The following KCNH5 variants were observed in gnomAD, a reference collection of about 807,000 sequenced individuals.
The protein encoded by KCNH5 is potassium voltage-gated channel subfamily H member 5.
Under a neutral mutation model 96.1 loss-of-function variants are expected in KCNH5, and 46 were observed. The ratio of observed to expected loss-of-function variants is 0.48; its 90% confidence interval spans 0.38 to 0.61. The LOEUF (loss-of-function observed/expected upper bound fraction) is 0.61. KCNH5 is among the 20% of genes least tolerant of loss of function. The pLI, the probability that KCNH5 is intolerant of heterozygous loss-of-function variation, is 0.00. For missense variants in KCNH5, 907 were observed against 1,225.8 expected (o/e 0.74, Z 3.88); for synonymous variants, 439 against 449.8 (o/e 0.98, Z 0.30).
intron 7 of KCNH5, among the ~76,000 whole-genome samples, chr14:62,909,247 G>A (rs910231473): frequency 1.3e-5 from 2 of 150,668 alleles, no homozygotes; most frequent in African/African-American, 4.9e-5. Context: ...GGGTTTCACC[G>A]TTTTAGCCGG....
At chr14:62,746,231 T>A (rs538813495) in intron 10 of KCNH5, among the ~76,000 whole-genome samples, 1 of 152,330 alleles carries the variant, frequency 6.6e-6, no homozygotes, top group Non-Finnish European at 1.5e-5. Flanking sequence ...GGAATATAAA[T>A]CCATGTAATA....
At chr14:62,943,808 G>C (rs1435847925) in intron 7 of KCNH5, among the ~76,000 whole-genome samples, 1 of 152,142 alleles carries the variant, frequency 6.6e-6, no homozygotes, top group Non-Finnish European at 1.5e-5. Context: ...AAAAAACCAA[G>C]AGAAGACAAA....
chr14:62,869,605 T>C lies in KCNH5; in HGVS notation c.1370-19753A>G, dbSNP rs376862158. On this transcript the variant is annotated intron_variant, in intron 7 of 10. Transcript: ENST00000322893. ...GTTTCAGTCATGAAGTTTTTATCCATGCCTATGTCCTGAATGGTATTGCCT... is the reference window on the plus strand; with the variant it reads ...GTTTCAGTCATGAAGTTTTTATCCACGCCTATGTCCTGAATGGTATTGCCT... Among the ~76,000 whole-genome samples the C allele has an allele frequency of 4.3e-4, 65 of 152,334 alleles. 3 individuals carry two copies. In the South Asian group the frequency reaches 8.5e-3, roughly 20 times the overall value.
chr14:62,802,254 T>C (rs776658229), intron 9 of KCNH5, 75 bp downstream of exon 9: 80 of 1,497,174 alleles, frequency 5.3e-5, no homozygotes, highest in South Asian at 3.7e-5. Context: ...GAAATTTCTC[T>C]TTAAAAATGC....
chr14:62,865,288 T>C (rs930904499), intron 7 of KCNH5, among the ~76,000 whole-genome samples: 2 of 150,730 alleles, frequency 1.3e-5, no homozygotes, highest in Admixed American at 6.6e-5. Flanking sequence ...ATTTTTTTAA[T>C]TGAGTCTTAA....
At chr14:62,842,099 C>A (rs1455855937) in intron 8 of KCNH5, among the ~76,000 whole-genome samples, 2 of 152,132 alleles carry the variant, frequency 1.3e-5, no homozygotes, top group Admixed American at 6.5e-5. Flanking sequence ...AATAACACAG[C>A]CTAAGATTTG....
intron 7 of KCNH5, among the ~76,000 whole-genome samples, chr14:62,894,953 C>G (rs1453653815): frequency 1.3e-5 from 2 of 152,192 alleles, no homozygotes; most frequent in Admixed American, 6.5e-5. Flanking sequence ...CTATAATCTA[C>G]TCTAATGATA....
At chr14:62,909,634 A>T (rs1265442512) in intron 7 of KCNH5, among the ~76,000 whole-genome samples, 1 of 152,108 alleles carries the variant, frequency 6.6e-6, no homozygotes, top group East Asian at 1.9e-4. Flanking sequence ...CCATCCACCA[A>T]GTCAGTCTCA....
intron 8 of KCNH5, among the ~76,000 whole-genome samples, chr14:62,816,020 A>AAT (rs544524088): frequency 3.0e-4 from 46 of 151,788 alleles, no homozygotes; most frequent in African/African-American, 8.9e-4. Flanking sequence ...GATATAAAAG[A>AAT]ATATATATAT....
Position 62,916,542 on chromosome 14 carries a change from G to C in KCNH5, c.1369+33591C>G, listed in dbSNP as rs541635105. On this transcript the variant is annotated intron_variant, in intron 7 of 10. Coordinates refer to ENST00000322893, the MANE Select transcript of KCNH5 (RefSeq NM_139318.5). ...TCAATGAAGCCTTTTTATTAGAACAGTAAAACAATTAAGTTTGTTGTGCCA... is the reference window on the plus strand; with the variant it reads ...TCAATGAAGCCTTTTTATTAGAACACTAAAACAATTAAGTTTGTTGTGCCA... 4.6e-5 allele frequency among the ~76,000 whole-genome samples: 7 copies of C among 152,334 alleles called. No individual in the cohort carries two copies. The East Asian group carries it at 1.2e-3, about 25-fold the overall frequency.
chr14:62,736,407 A>T (rs1885157610), intron 10 of KCNH5, among the ~76,000 whole-genome samples: 2 of 151,954 alleles, frequency 1.3e-5, no homozygotes, highest in African/African-American at 4.8e-5. Flanking sequence ...AATAAAAAAA[A>T]AAAGCTGTCT....
At chr14:63,045,045 A>G in intron 1 of KCNH5, 69 bp downstream of exon 1, 2 of 1,184,600 alleles carry the variant, frequency 1.7e-6, no homozygotes, top group Admixed American at 1.7e-5. Context: ...GAGGGATGGG[A>G]TGGGGAGGAT....
At chr14:63,026,226 A>T (rs1365905464) in intron 1 of KCNH5, among the ~76,000 whole-genome samples, 1 of 152,122 alleles carries the variant, frequency 6.6e-6, no homozygotes, top group African/African-American at 2.4e-5. Context: ...AAATGGATTG[A>T]AGACTTCAAC....
At chr14:62,917,286 A>G (rs1464086045) in intron 7 of KCNH5, among the ~76,000 whole-genome samples, 1 of 151,030 alleles carries the variant, frequency 6.6e-6, no homozygotes, top group Non-Finnish European at 1.5e-5. Flanking sequence ...ACCTGAAATC[A>G]TGTGTTTACT....
chr14:62,970,332 G>A (rs1172659168), intron 6 of KCNH5, among the ~76,000 whole-genome samples: 3 of 152,158 alleles, frequency 2.0e-5, no homozygotes, highest in East Asian at 1.9e-4. Flanking sequence ...TAAAGAAATT[G>A]CATCAATAAT....
intron 7 of KCNH5, among the ~76,000 whole-genome samples, chr14:62,909,435 T>C (rs1889107193): frequency 6.6e-6 from 1 of 152,224 alleles, no homozygotes; most frequent in African/African-American, 2.4e-5. Context: ...AGCAACATTG[T>C]AAAAGTCCTA....
chr14:62,891,855 A>T (rs560864400), intron 7 of KCNH5, among the ~76,000 whole-genome samples: 1 of 152,316 alleles, frequency 6.6e-6, no homozygotes, highest in South Asian at 2.1e-4. Context: ...GGGATGTCAC[A>T]AACTTGGCCA....
chr14:62,785,532 T>A (rs1886303312), intron 9 of KCNH5, among the ~76,000 whole-genome samples: 1 of 152,222 alleles, frequency 6.6e-6, no homozygotes, highest in Non-Finnish European at 1.5e-5. Flanking sequence ...GAGCTAGAGA[T>A]AACTAACCTC....
At chr14:62,751,193 C>T (rs1221044406) in intron 10 of KCNH5, among the ~76,000 whole-genome samples, 3 of 152,030 alleles carry the variant, frequency 2.0e-5, no homozygotes, top group Non-Finnish European at 4.4e-5. Context: ...CTAACAAATC[C>T]CTTCCTAACA....
Sources: allele counts gnomAD v4.1 joint callset (sites outside exome capture counted in the v4.1 genomes callset), GRCh38; gene constraint gnomAD v4.1.1; transcripts MANE v1.5; gene names NCBI Gene and HGNC (gene_info 2026-07-23, HGNC 2026-07-21).